CPNE8: variants seen among roughly 807,000 people sequenced by gnomAD.
CPNE8 encodes the protein copine 8.
In CPNE8, 45 loss-of-function variants were observed where a neutral mutation model predicts 81.5. That is an observed-to-expected ratio of 0.55 (90% CI 0.44 to 0.71). The LOEUF is 0.71. Among genes scored for constraint, CPNE8 ranks in the 30% least tolerant of loss-of-function variants. CPNE8 has a pLI of 0.00. For synonymous variants in CPNE8, 252 were observed against 226.3 expected (o/e 1.11, Z -1.02); for missense variants, 594 against 672.1 (o/e 0.88, Z 1.28).
At chr12:38,689,835 T>C (rs1450066211) in intron 15 of CPNE8, among the ~76,000 whole-genome samples, 1 of 152,192 alleles carries the variant, frequency 6.6e-6, no homozygotes, top group East Asian at 1.9e-4. Context: ...CTATTGCGTT[T>C]TCAGTTATAA....
At chr12:38,716,843 T>C (rs1940406574) in intron 13 of CPNE8, among the ~76,000 whole-genome samples, 1 of 151,002 alleles carries the variant, frequency 6.6e-6, no homozygotes. Flanking sequence ...ATCAGCAGAG[T>C]AAACAGACAA....
At chr12:38,737,656 A>T (rs941742137) in intron 10 of CPNE8, among the ~76,000 whole-genome samples, 2 of 152,122 alleles carry the variant, frequency 1.3e-5, no homozygotes, top group African/African-American at 4.8e-5. Flanking sequence ...TCTGTCAGCC[A>T]TCACTACCAC....
At chr12:38,669,582 A>T (rs1408138425) in intron 19 of CPNE8, among the ~76,000 whole-genome samples, 2 of 152,156 alleles carry the variant, frequency 1.3e-5, no homozygotes, top group Non-Finnish European at 2.9e-5. Context: ...CCTTGGGCAA[A>T]CACGGCCACT....
intron 6 of CPNE8, among the ~76,000 whole-genome samples, chr12:38,786,895 A>AGACT (rs1352876616): frequency 6.6e-6 from 1 of 152,142 alleles, no homozygotes; most frequent in African/African-American, 2.4e-5. Context: ...ATTATACTGG[A>AGACT]GACTGGAACA....
At position 38,863,683 on chromosome 12, in the gene CPNE8, G is replaced by A. The variant is rs527255931; in HGVS notation, c.186+9321C>T. On this transcript the variant is annotated intron_variant, in intron 3 of 19. Transcript: ENST00000331366. ...AATCAAGCATGTATTTCACCTTCATGACAAAATAAAAATCATATAATTATC... is the reference window on the plus strand; with the variant it reads ...AATCAAGCATGTATTTCACCTTCATAACAAAATAAAAATCATATAATTATC... 1.3e-4 allele frequency among the ~76,000 whole-genome samples: 20 copies of A among 152,236 alleles called. 1 individual carries two copies. The highest frequency in any genetic ancestry group is 4.3e-4 in the African/African-American group (18 of 41,556).
chr12:38,793,691 T>C (rs1418512945), intron 6 of CPNE8, among the ~76,000 whole-genome samples: 1 of 151,654 alleles, frequency 6.6e-6, no homozygotes, highest in Non-Finnish European at 1.5e-5. Flanking sequence ...GCCAATGGCA[T>C]TTTTTTGCAG....
intron 13 of CPNE8, among the ~76,000 whole-genome samples, chr12:38,712,953 TTTGAGATTTTTCAGAAAAATAA>T (rs1241272168): frequency 6.6e-6 from 1 of 152,304 alleles, no homozygotes; most frequent in Admixed American, 6.5e-5. Context: ...GTATTAGAAC[TTTGAGATTTTTCAGAAAAATAA>T]TAGCTAGCAT....
intron 15 of CPNE8, among the ~76,000 whole-genome samples, chr12:38,687,696 T>C (rs1052098301): frequency 6.6e-5 from 10 of 152,192 alleles, no homozygotes; most frequent in African/African-American, 2.4e-4. Context: ...TGCAAAGCTT[T>C]CTACAAGGCT....
At chr12:38,754,347 A>G (rs1340395024) in intron 10 of CPNE8, among the ~76,000 whole-genome samples, 1 of 152,148 alleles carries the variant, frequency 6.6e-6, no homozygotes, top group Non-Finnish European at 1.5e-5. Flanking sequence ...AATGTTACTG[A>G]AAATGAGAAA....
chr12:38,790,010 T>C (rs1274542656), intron 6 of CPNE8, among the ~76,000 whole-genome samples: 2 of 151,782 alleles, frequency 1.3e-5, no homozygotes, highest in Non-Finnish European at 3.0e-5. Flanking sequence ...TGTAAATTAG[T>C]ACAATCACTA....
chr12:38,818,755 T>C (rs1360473200), intron 6 of CPNE8, among the ~76,000 whole-genome samples: 1 of 152,344 alleles, frequency 6.6e-6, no homozygotes, highest in East Asian at 1.9e-4. Flanking sequence ...ACCAACAGTG[T>C]AAAAGCATTC....
At chr12:38,796,214 G>A (rs1942468257) in intron 6 of CPNE8, among the ~76,000 whole-genome samples, 1 of 152,262 alleles carries the variant, frequency 6.6e-6, no homozygotes, top group Non-Finnish European at 1.5e-5. Context: ...TTGAACTTGG[G>A]AGGCAGGAGT....
chr12:38,799,460 G>A (rs1364455670), intron 6 of CPNE8, among the ~76,000 whole-genome samples: 2 of 152,062 alleles, frequency 1.3e-5, no homozygotes, highest in East Asian at 1.9e-4. Flanking sequence ...GGTACATAAG[G>A]AAATGAAGGC....
chr12:38,891,936 G>A (rs550771151), intron 1 of CPNE8, among the ~76,000 whole-genome samples: 28 of 152,294 alleles, frequency 1.8e-4, no homozygotes, highest in Admixed American at 1.4e-3. Flanking sequence ...AAACTTGGTT[G>A]GGGAGACAGG....
intron 4 of CPNE8, among the ~76,000 whole-genome samples, chr12:38,848,066 T>C (rs542630191): frequency 4.6e-5 from 7 of 152,304 alleles, no homozygotes; most frequent in African/African-American, 1.4e-4. Context: ...TGTTTTAATA[T>C]GCCAGACTTA....
rs1592137742 is a variant in CPNE8, at chr12:38,852,417, G to T, written c.187-3755C>A. Among the ~76,000 whole-genome samples the T allele has an allele frequency of 2.5e-5, 3 of 119,974 alleles. No homozygotes were observed. The South Asian group carries it at 8.3e-4, about 33-fold the overall frequency. 78.7% of individuals were successfully genotyped at this position (119,974 alleles called of 152,430 possible). ...GCACTCCCAGCCTGGGCAACAGAGT[G>T]AGCTCTGTCTCAAAAAAAAAAAAAA... On this transcript the variant is annotated intron_variant, in intron 3 of 19. Transcript: ENST00000331366.
At chr12:38,732,851 T>C (rs1940864122) in intron 10 of CPNE8, among the ~76,000 whole-genome samples, 1 of 152,004 alleles carries the variant, frequency 6.6e-6, no homozygotes, top group South Asian at 2.1e-4. Context: ...TTAGTCCTCC[T>C]TTCTAAATCT....
At chr12:38,700,700 T>A (rs533345225) in intron 14 of CPNE8, among the ~76,000 whole-genome samples, 5 of 152,276 alleles carry the variant, frequency 3.3e-5, no homozygotes, top group African/African-American at 1.2e-4. Context: ...TCATCTTGAA[T>A]TGTAGCTCCC....
Position 38,693,688 on chromosome 12 carries a change from G to A in CPNE8, c.1112C>T (p.Pro371Leu). 2 of 1,611,028 alleles carry A rather than the reference G, an allele frequency of 1.2e-6. No individual in the cohort carries two copies. Among genetic ancestry groups the A allele is most frequent in the Non-Finnish European group, 1.7e-6 (2 of 1,178,924 alleles). The change falls in exon 15 of 20, where the codon CCA (proline) becomes CTA (leucine). Residue 371 changes from proline to leucine, a missense_variant. Transcript: ENST00000331366. ...AAATTCGTGAGATATCCTTCCATCTGGAGGCAGTTTTGCACCAAATCCTAG... is the reference window on the plus strand; with the variant it reads ...AAATTCGTGAGATATCCTTCCATCTAGAGGCAGTTTTGCACCAAATCCTAG... ...PALGFGAKLP[P>L]DGRISHEFAL...
Sources: allele counts gnomAD v4.1 joint callset (sites outside exome capture counted in the v4.1 genomes callset), GRCh38; gene constraint gnomAD v4.1.1; transcripts MANE v1.5; gene names NCBI Gene and HGNC (gene_info 2026-07-23, HGNC 2026-07-21).